ARL2: variants seen among roughly 807,000 people sequenced by gnomAD.
The protein encoded by ARL2 is ADP-ribosylation factor-like protein 2.
In ARL2, 11 loss-of-function variants were observed where a neutral mutation model predicts 22.0. The observed-to-expected ratio is 0.50, with a 90% confidence interval of 0.31 to 0.83. The LOEUF (loss-of-function observed/expected upper bound fraction) is 0.83. Among genes scored for constraint, ARL2 ranks in the 40% least tolerant of loss-of-function variants. The pLI, the probability that ARL2 is intolerant of heterozygous loss-of-function variation, is 0.04. For synonymous variants in ARL2, 111 were observed against 100.8 expected, an observed-to-expected ratio of 1.10 and a Z score of -0.61; for missense variants, 216 against 243.2, an observed-to-expected ratio of 0.89 and a Z score of 0.74.
chr11:65,014,381 C>A, intron 1 of ARL2, 109 bp downstream of exon 1: 1 of 892,726 alleles, frequency 1.1e-6, no homozygotes, highest in Non-Finnish European at 1.6e-6. Flanking sequence ...GTCCCAACTG[C>A]CCCTGGCGTC....
rs1946282600 is a variant in ARL2 at position 65,018,311 on chromosome 11, A to G, written c.66-53A>G. 7 of 1,480,658 alleles carry G rather than the reference A, an allele frequency of 4.7e-6. No homozygotes were observed. The South Asian group carries it at 4.9e-5, about 10-fold the overall frequency. 91.7% of individuals were successfully genotyped at this position (1,480,658 alleles called of 1,614,324 possible). Reference sequence around the variant, plus strand: ...GAGTCCCCTAAGGGGCTCTGCAACAATGTCACCACCTGGCAGAGAACAGGG... The same window carrying G: ...GAGTCCCCTAAGGGGCTCTGCAACAGTGTCACCACCTGGCAGAGAACAGGG... On this transcript the variant is annotated intron_variant, in intron 1 of 4. Coordinates refer to ENST00000246747, the MANE Select transcript of ARL2 (RefSeq NM_001667.4). The surrounding 1 kb of genome is among the most constrained non-coding windows in gnomAD (Gnocchi z 4.2).
At chr11:65,014,317 C>T in intron 1 of ARL2, 45 bp downstream of exon 1, 2 of 1,492,032 alleles carry the variant, frequency 1.3e-6, no homozygotes, top group East Asian at 2.9e-5. Context: ...GGGGTCCAGC[C>T]GGGCAGGCGG....
At chr11:65,017,902 G>T (rs1437863000) in intron 1 of ARL2, among the ~76,000 whole-genome samples, 1 of 152,222 alleles carries the variant, frequency 6.6e-6, no homozygotes, top group African/African-American at 2.4e-5. Context: ...TCTTCAAAAA[G>T]CTTGCTCCTT....
chr11:65,018,364 T>A lies in ARL2; in HGVS notation c.66T>A (p.Leu22=). The A allele has an allele frequency of 6.3e-7, 1 of 1,598,754 alleles. No homozygotes were observed. Among genetic ancestry groups the A allele is most frequent in the Non-Finnish European group, 8.5e-7 (1 of 1,173,378 alleles). ...QKERELRLLM[L]GLDNAGKTTI... is the part of the protein sequence containing the mutation. Reference sequence around the variant, plus strand: ...TTCTCCTTAACCTGCTGCGCCCCAGTGGCCTGGACAATGCTGGAAAGACAA... The same window carrying A: ...TTCTCCTTAACCTGCTGCGCCCCAGAGGCCTGGACAATGCTGGAAAGACAA... Residue 22 remains leucine, a splice_region_variant and synonymous_variant, in exon 2 of 5, where the codon CTT becomes CTA. Coordinates refer to ENST00000246747, the MANE Select transcript of ARL2 (RefSeq NM_001667.4). This position sits in a 1 kb window ranked among gnomAD's most constrained non-coding sequence, Gnocchi z 4.2.
intron 3 of ARL2, among the ~76,000 whole-genome samples, chr11:65,020,181 C>T (rs1378979166): frequency 2.0e-5 from 3 of 152,138 alleles, no homozygotes; most frequent in Non-Finnish European, 4.4e-5. Context: ...ATGGGGACAG[C>T]GGTGTCCCCT....
chr11:65,014,568 G>A, intron 1 of ARL2, among the ~76,000 whole-genome samples: 1 of 152,200 alleles, frequency 6.6e-6, no homozygotes, highest in Non-Finnish European at 1.5e-5. Flanking sequence ...ACCACCCGGC[G>A]GCCTGGCCCA....
At chr11:65,017,368 G>A (rs955567346) in intron 1 of ARL2, among the ~76,000 whole-genome samples, 1 of 151,956 alleles carries the variant, frequency 6.6e-6, no homozygotes, top group Non-Finnish European at 1.5e-5. Context: ...GCTGATTTTT[G>A]TAGTTTTAGT....
In ARL2 at chr11:65,014,215, TC is replaced by T; in HGVS notation, c.10del (p.Leu4Ter). ...GAGGGGGCTCCGGGGACCATGGGGC[TC>T]CTGACCATTCTGAAGAAGATGAAGC... MG[L>X]LTILKKMKQK... On this transcript the variant is annotated frameshift_variant, in exon 1 of 5. Coordinates refer to ENST00000246747, the MANE Select transcript of ARL2 (RefSeq NM_001667.4). LOFTEE classifies it high-confidence loss of function. 6.4e-7 allele frequency: 1 copy of T among 1,573,178 alleles called. No individual in the cohort carries two copies. The highest frequency in any genetic ancestry group is 8.6e-7 in the Non-Finnish European group (1 of 1,163,462).
Position 65,022,034 on chromosome 11 carries a change from T to A in ARL2, c.*179T>A. Reference sequence around the variant, plus strand: ...CACCCGGCTCCCATGGCGGGAGGGCTGTGCCCTGGCTGTCTCTCTGGCTCC... The same window carrying A: ...CACCCGGCTCCCATGGCGGGAGGGCAGTGCCCTGGCTGTCTCTCTGGCTCC... On this transcript the variant is annotated 3_prime_UTR_variant, in exon 5 of 5. Transcript: ENST00000246747. The A allele has an allele frequency of 1.1e-6, 1 of 915,428 alleles. No individual in the cohort carries two copies. Among genetic ancestry groups the A allele is most frequent in the Non-Finnish European group, 1.6e-6 (1 of 619,506 alleles). The allele number at this position is 915,428 out of a possible 1,614,324, so 56.7% of individuals were successfully genotyped here. A position where few individuals can be genotyped will look rare whatever the true frequency, so the allele number is the denominator to read the frequency against.
rs777063183 is a variant in ARL2 at position 65,018,647 on chromosome 11, G to A, written c.253G>A (p.Asp85Asn). The change falls in exon 3 of 5, where the codon GAT (aspartate) becomes AAT (asparagine). Residue 85 changes from aspartate to asparagine, a missense_variant. By Grantham distance (23) the Asp-to-Asn change is conservative (BLOSUM62 1). Transcript: ENST00000246747. The surrounding 1 kb of genome is among the most constrained non-coding windows in gnomAD (Gnocchi z 4.2). Reference protein sequence around the residue: ...SYWRNYFESTDGLIWVVDSAD... With the variant: ...SYWRNYFESTNGLIWVVDSAD... ...CTGGCGGAACTACTTTGAGAGCACC[G>A]ATGGCCTCATCTGGGTAGTGGACAG... is the stretch of plus-strand genomic sequence containing the variant. 1.4e-5 allele frequency: 22 copies of A among 1,614,138 alleles called. No homozygotes were observed. The highest frequency in any genetic ancestry group is 2.2e-5 in the South Asian group (2 of 91,060).
At chr11:65,016,258 T>C (rs1332697593) in intron 1 of ARL2, among the ~76,000 whole-genome samples, 2 of 100,090 alleles carry the variant, frequency 2.0e-5, no homozygotes, top group Non-Finnish European at 3.8e-5. Context: ...GGTTGAACCA[T>C]ATAGCAATTC....
At chr11:65,021,608 GA>G in intron 4 of ARL2, 112 bp from the exon 5 acceptor site, 1 of 1,358,654 alleles carries the variant, frequency 7.4e-7, no homozygotes, top group Middle Eastern at 2.7e-4. Flanking sequence ...GGATGACATG[GA>G]GCAGGGCCTT....
chr11:65,016,963 G>A (rs564817714), intron 1 of ARL2, among the ~76,000 whole-genome samples: 3 of 152,142 alleles, frequency 2.0e-5, no homozygotes, highest in Non-Finnish European at 4.4e-5. Flanking sequence ...GGGAACAGAA[G>A]ATGACTGAGC....
chr11:65,017,664 C>T (rs1361668005), intron 1 of ARL2, among the ~76,000 whole-genome samples: 1 of 152,158 alleles, frequency 6.6e-6, no homozygotes. Context: ...CACCCCTCTC[C>T]TGGGCCTAGG....
At chr11:65,019,949 C>T (rs1035568902) in intron 3 of ARL2, among the ~76,000 whole-genome samples, 4 of 152,212 alleles carry the variant, frequency 2.6e-5, no homozygotes, top group African/African-American at 9.6e-5. Flanking sequence ...ACCCACATCT[C>T]TCCCAATCAC....
At chr11:65,014,294 C>T (rs2136898107) in intron 1 of ARL2, 22 bp downstream of exon 1, 1 of 1,533,414 alleles carries the variant, frequency 6.5e-7, no homozygotes, top group Non-Finnish European at 8.7e-7. Flanking sequence ...GACGCCGGAA[C>T]CGCGAGGGTG....
chr11:65,014,184 G>T lies in ARL2; in HGVS notation c.-24G>T. The T allele has an allele frequency of 6.5e-7, 1 of 1,545,956 alleles. No homozygotes were observed. Among genetic ancestry groups the T allele is most frequent in the Non-Finnish European group, 8.7e-7 (1 of 1,150,862 alleles). ...GGTCCCGGGACTGGGAAGAAACGGC[G>T]GCCGGGAGGGGGCTCCGGGGACCAT... On this transcript the variant is annotated 5_prime_UTR_variant, in exon 1 of 5. Coordinates refer to ENST00000246747, the MANE Select transcript of ARL2 (RefSeq NM_001667.4).
At chr11:65,019,239 C>CAAA (rs928198007) in intron 3 of ARL2, 10 of 140,536 alleles carry the variant, frequency 7.1e-5, no homozygotes, top group Admixed American at 1.5e-4. Flanking sequence ...GACCCTGTCT[C>CAAA]AAAAAAAAAA....
At chr11:65,021,604 C>A in intron 4 of ARL2, 117 bp from the exon 5 acceptor site, 5 of 1,326,886 alleles carry the variant, frequency 3.8e-6, no homozygotes, top group Non-Finnish European at 5.0e-6. Context: ...GATGGGATGA[C>A]ATGGAGCAGG....
Sources: gnomAD v4.1 joint callset for allele counts (sites outside exome capture counted in the v4.1 genomes callset) on GRCh38, gnomAD v4.1.1 for gene constraint, Gnocchi (gnomAD v3.1) non-coding constraint, MANE v1.5 for transcripts, NCBI Gene and HGNC (gene_info 2026-07-23, HGNC 2026-07-21) for gene names.